BBX: variants seen among roughly 807,000 people sequenced by gnomAD.
The protein encoded by BBX is HMG box transcription factor BBX.
In BBX, 30 loss-of-function variants were observed where a neutral mutation model predicts 100.2. The observed-to-expected ratio is 0.30, with a 90% CI of 0.22 to 0.41. BBX has a LOEUF of 0.41. Among genes scored for constraint, BBX ranks in the 10% least tolerant of loss-of-function variants. The pLI is 1.00. For missense variants in BBX, 1,023 were observed against 1,129.8 expected (o/e 0.91, Z 1.35); for synonymous variants, 376 against 388.1 (o/e 0.97, Z 0.37).
chr3:107,547,877 A>C (rs1167078219), intron 2 of BBX, among the ~76,000 whole-genome samples: 14 of 152,138 alleles, frequency 9.2e-5, no homozygotes, highest in Non-Finnish European at 1.6e-4. Flanking sequence ...AGGTGGAATC[A>C]CACAGGAGGG....
intron 2 of BBX, among the ~76,000 whole-genome samples, chr3:107,570,853 C>T (rs2051300691): frequency 6.6e-6 from 1 of 151,946 alleles, no homozygotes; most frequent in Non-Finnish European, 1.5e-5. Context: ...GGGACAAGTT[C>T]GCACTGGGAG....
At chr3:107,558,669 G>A (rs990528473) in intron 2 of BBX, among the ~76,000 whole-genome samples, 4 of 152,090 alleles carry the variant, frequency 2.6e-5, no homozygotes, top group African/African-American at 9.7e-5. Context: ...CTGGGCAGTG[G>A]GTATGCCAAT....
intron 5 of BBX, among the ~76,000 whole-genome samples, chr3:107,723,476 A>G (rs1242182863): frequency 6.6e-6 from 1 of 151,912 alleles, no homozygotes; most frequent in Non-Finnish European, 1.5e-5. Flanking sequence ...TTTGTTACAT[A>G]TGTATACATG....
chr3:107,664,646 G>A (rs1226664361), intron 3 of BBX, among the ~76,000 whole-genome samples: 1 of 152,134 alleles, frequency 6.6e-6, no homozygotes, highest in African/African-American at 2.4e-5. Flanking sequence ...GGATATGTGT[G>A]CTCACTAAAT....
chr3:107,775,949 T>C (rs571021129), intron 12 of BBX, among the ~76,000 whole-genome samples: 1 of 149,116 alleles, frequency 6.7e-6, no homozygotes, highest in African/African-American at 2.4e-5. Context: ...ATTTTATGTA[T>C]TTCATTTCTA....
chr3:107,711,195 T>C, intron 4 of BBX: 1 of 391,214 alleles, frequency 2.6e-6, no homozygotes, highest in Middle Eastern at 3.8e-4. Context: ...TCATTCAAAG[T>C]CAAAAGATTT....
chr3:107,693,922 T>C (rs1487790567), intron 3 of BBX, among the ~76,000 whole-genome samples: 5 of 151,226 alleles, frequency 3.3e-5, no homozygotes, highest in Non-Finnish European at 7.4e-5. Context: ...ACATCCCTTG[T>C]AAGTTGGATT....
At chr3:107,793,993 TA>T (rs1192600772) in intron 15 of BBX, among the ~76,000 whole-genome samples, 1 of 151,958 alleles carries the variant, frequency 6.6e-6, no homozygotes, top group Non-Finnish European at 1.5e-5. Context: ...ATATATGTAT[TA>T]AAAAAAATTG....
chr3:107,608,201 C>T (rs1454772732), intron 2 of BBX, among the ~76,000 whole-genome samples: 2 of 151,896 alleles, frequency 1.3e-5, no homozygotes, highest in Non-Finnish European at 1.5e-5. Context: ...TTGAGGTCTT[C>T]GATTTAAGTC....
At chr3:107,693,042 G>T (rs1419176399) in intron 3 of BBX, among the ~76,000 whole-genome samples, 3 of 145,084 alleles carry the variant, frequency 2.1e-5, no homozygotes, top group Non-Finnish European at 3.0e-5. Context: ...TTTTGATGGG[G>T]TTGTTTGTTT....
intron 3 of BBX, among the ~76,000 whole-genome samples, chr3:107,658,024 A>C (rs1461437391): frequency 6.6e-6 from 1 of 152,122 alleles, no homozygotes; most frequent in Non-Finnish European, 1.5e-5. Flanking sequence ...AATGCCTGAA[A>C]AAAGTTCCTT....
chr3:107,776,770 C>T (rs1411150140), intron 12 of BBX, among the ~76,000 whole-genome samples: 1 of 152,126 alleles, frequency 6.6e-6, no homozygotes, highest in South Asian at 2.1e-4. Context: ...AGTTACGTCT[C>T]ACATTTTCAG....
chr3:107,763,497 CT>C (rs2107720966), intron 10 of BBX, among the ~76,000 whole-genome samples: 1 of 152,208 alleles, frequency 6.6e-6, no homozygotes, highest in South Asian at 2.1e-4. Context: ...AAGATAAAAG[CT>C]TGTTGCAGCC....
At position 107,716,745 on chromosome 3, in the gene BBX, G is replaced by A; in HGVS notation, c.301G>A (p.Glu101Lys). ...CKRHRSLVRQ[E>K]HPRLDNRGAT... is the part of the protein sequence containing the mutation. ...ACGCCATCGCTCTCTTGTACGTCAG[G>A]AACACCCCAGGCTTGATAACCGAGG... is the stretch of plus-strand genomic sequence containing the variant. Residue 101 changes from glutamate to lysine, a missense_variant, in exon 5 of 18, where the codon GAA becomes AAA. Glu to Lys is a moderately conservative substitution (Grantham distance 56). Around this residue, in one of 9 missense-constraint regions of BBX, gnomAD observed 229 missense variants for 226.3 expected, o/e 1.01. Transcript: ENST00000325805. 1.2e-6 allele frequency: 2 copies of A among 1,613,800 alleles called. No homozygotes were observed. The highest frequency in any genetic ancestry group is 1.7e-6 in the Non-Finnish European group (2 of 1,179,798).
chr3:107,654,685 TTTTG>T (rs1268217184), intron 3 of BBX, among the ~76,000 whole-genome samples: 3 of 152,196 alleles, frequency 2.0e-5, no homozygotes, highest in Non-Finnish European at 2.9e-5. Flanking sequence ...TTTTGTTTTG[TTTTG>T]TTTTTGTTTG....
At chr3:107,738,885 T>C (rs2063857460) in intron 7 of BBX, among the ~76,000 whole-genome samples, 1 of 152,150 alleles carries the variant, frequency 6.6e-6, no homozygotes, top group African/African-American at 2.4e-5. Context: ...ATTTTGTAAA[T>C]GAGGAAACTA....
intron 3 of BBX, among the ~76,000 whole-genome samples, chr3:107,650,560 A>T (rs900248150): frequency 2.0e-5 from 3 of 152,156 alleles, no homozygotes; most frequent in Admixed American, 2.0e-4. Flanking sequence ...TCAAAGCCTT[A>T]TGCTTTTTCT....
Position 107,744,673 on chromosome 3 carries a change from A to G in BBX, c.713A>G (p.Glu238Gly), listed in dbSNP as rs781201426. The G allele has an allele frequency of 6.8e-6, 11 of 1,613,376 alleles. No individual in the cohort carries two copies. The highest frequency in any genetic ancestry group is 9.3e-6 in the Non-Finnish European group (11 of 1,179,462). ...TCRPDVSESP[E>G]LRQKSPLFQF... is the part of the protein sequence containing the mutation. ...AGGCCTGATGTTTCAGAATCTCCTG[A>G]ATTACGTCAGAAGTCACCATTGTTT... Residue 238 changes from glutamate (E) to glycine (G), a missense_variant, in exon 8 of 18, where the codon GAA becomes GGA. This residue lies in a region of BBX where 95 missense variants were observed against 95.1 expected (regional missense o/e 1.00). Coordinates refer to ENST00000325805, the MANE Select transcript of BBX (RefSeq NM_001142568.3).
chr3:107,791,373 G>A (rs2069009431), intron 15 of BBX, 74 bp downstream of exon 15: 1 of 1,309,616 alleles, frequency 7.6e-7, no homozygotes, highest in Non-Finnish European at 1.1e-6. Flanking sequence ...GTTTTTAAAA[G>A]GTATAATTTA....
Sources: gnomAD v4.1 joint callset for allele counts (sites outside exome capture counted in the v4.1 genomes callset) on GRCh38, gnomAD v4.1.1 for gene constraint, gnomAD v4.1.1 regional missense constraint, MANE v1.5 for transcripts, NCBI Gene and HGNC (gene_info 2026-07-23, HGNC 2026-07-21) for gene names.